MAP3K6: variants seen among roughly 807,000 people sequenced by gnomAD.
MAP3K6 encodes mitogen-activated protein kinase kinase kinase 6.
In MAP3K6, 105 loss-of-function variants were observed where a neutral mutation model predicts 147.1. The observed-to-expected ratio is 0.71, with a 90% CI of 0.61 to 0.84. The LOEUF (loss-of-function observed/expected upper bound fraction) is 0.84. Ranked by LOEUF, MAP3K6 falls within the 40% of genes least tolerant of loss-of-function variation. MAP3K6 has a pLI of 0.00. For missense variants in MAP3K6, 1,569 were observed against 1,715.0 expected, an observed-to-expected ratio of 0.91 and a Z score of 1.50; for synonymous variants, 695 against 732.4, an observed-to-expected ratio of 0.95 and a Z score of 0.82.
Position 27,360,637 on chromosome 1 carries a change from C to G in MAP3K6, c.2054+68G>C. 1.3e-6 allele frequency: 2 copies of G among 1,544,144 alleles called. No individual in the cohort carries two copies. Among genetic ancestry groups the G allele is most frequent in the Middle Eastern group, 1.9e-4 (1 of 5,260 alleles). ...CTAGGCCCCGCCCACAGGAGCCGCT[C>G]CGCTCGTGGCCCGGCTCACTCGGCC... On this transcript the variant is annotated intron_variant, in intron 15 of 28. Transcript: ENST00000357582. The surrounding 1 kb of genome is among the most constrained non-coding windows in gnomAD (Gnocchi z 4.5).
rs771630998 is a variant in MAP3K6, at chr1:27,357,585, G to A, written c.3082-9C>T. Reference sequence around the variant, plus strand: ...CTGCCCAGACGGGCCCCCTGAGAAGGAAGAGAGGGGTTGTCAGCGAGTGCT... The same window carrying A: ...CTGCCCAGACGGGCCCCCTGAGAAGAAAGAGAGGGGTTGTCAGCGAGTGCT... On this transcript the variant is annotated splice_polypyrimidine_tract_variant and intron_variant, in intron 22 of 28. Coordinates refer to ENST00000357582, the MANE Select transcript of MAP3K6 (RefSeq NM_004672.5). The A allele has an allele frequency of 1.2e-5, 20 of 1,602,662 alleles. No individual in the cohort carries two copies. In the South Asian group the frequency reaches 2.0e-4, roughly 16 times the overall value.
In MAP3K6 at chr1:27,357,499, C is replaced by T; in HGVS notation, c.3159G>A (p.Arg1053=). ...LGAHIHTPNR[R]QLAQELRALQ... is the part of the protein sequence containing the mutation. ...GCGCCCGCAGCTCCTGGGCGAGCTGCCGGCGGTTGGGAGTGTGGATGTGTG... is the reference window on the plus strand; with the variant it reads ...GCGCCCGCAGCTCCTGGGCGAGCTGTCGGCGGTTGGGAGTGTGGATGTGTG... The change falls in exon 23 of 29, where the codon CGG becomes CGA. Residue 1053 remains arginine, a synonymous_variant. Transcript: ENST00000357582. 1.9e-6 allele frequency: 3 copies of T among 1,613,624 alleles called. No homozygotes were observed. The highest frequency in any genetic ancestry group is 2.5e-6 in the Non-Finnish European group (3 of 1,179,914).
Position 27,364,562 on chromosome 1 carries a change from G to A in MAP3K6, c.504+99C>T. On this transcript the variant is annotated intron_variant, in intron 3 of 28. Transcript: ENST00000357582. This position sits in a 1 kb window ranked among gnomAD's most constrained non-coding sequence, Gnocchi z 4.4. Reference sequence around the variant, plus strand: ...CAGAGGAATACTTGGGATGTCAGTGGGGGGTTAGGTGACTGAGGAGGCCAG... The same window carrying A: ...CAGAGGAATACTTGGGATGTCAGTGAGGGGTTAGGTGACTGAGGAGGCCAG... 5.7e-6 allele frequency: 9 copies of A among 1,577,610 alleles called. No individual in the cohort carries two copies. The highest frequency in any genetic ancestry group is 7.8e-6 in the Non-Finnish European group (9 of 1,147,150).
intron 26 of MAP3K6, 64 bp downstream of exon 26, chr1:27,356,306 TCAGGTGATGAGCCCAAGG>T: frequency 2.2e-6 from 3 of 1,341,794 alleles, no homozygotes; most frequent in Non-Finnish European, 3.1e-6. Context: ...TGAGCCCAAG[TCAGGTGATGAGCCCAAGG>T]GTGCCTTGTG....
rs769477027 is a variant in MAP3K6 at position 27,362,677 on chromosome 1, G to T, written c.1219C>A (p.Gln407Lys). ...NAAVLLIAAG[Q>K]HFEDSKELRL... ...AGCTCTTTGGAATCCTCAAAGTGCTGCCCGGCAGCAATGAGGAGCACAGCT... is the reference window on the plus strand; with the variant it reads ...AGCTCTTTGGAATCCTCAAAGTGCTTCCCGGCAGCAATGAGGAGCACAGCT... Residue 407 changes from glutamine to lysine, a missense_variant, in exon 8 of 29, where the codon CAG becomes AAG. Physicochemically the swap from Gln to Lys is moderately conservative, Grantham distance 53. Coordinates refer to ENST00000357582, the MANE Select transcript of MAP3K6 (RefSeq NM_004672.5). The T allele has an allele frequency of 1.2e-6, 2 of 1,604,740 alleles. No individual in the cohort carries two copies. The highest frequency in any genetic ancestry group is 4.5e-5 in the East Asian group (2 of 44,666).
intron 23 of MAP3K6, 141 bp downstream of exon 23, chr1:27,357,259 G>T: frequency 2.3e-6 from 3 of 1,315,406 alleles, no homozygotes; most frequent in Admixed American, 4.3e-5. Flanking sequence ...AGCTAGGACT[G>T]GGCAGACGGT....
At chr1:27,365,730 C>T (rs934560181) in intron 1 of MAP3K6, among the ~76,000 whole-genome samples, 1 of 152,062 alleles carries the variant, frequency 6.6e-6, no homozygotes, top group Non-Finnish European at 1.5e-5. Context: ...CGTCGGGCCC[C>T]TTCGCTTCTC....
chr1:27,357,421 C>T lies in MAP3K6; in HGVS notation c.3237G>A (p.Pro1079=), dbSNP rs757281049. 25 of 1,594,548 alleles carry T rather than the reference C, an allele frequency of 1.6e-5. No homozygotes were observed. Among genetic ancestry groups the T allele is most frequent in the South Asian group, 2.2e-5 (2 of 89,972 alleles). The change falls in exon 23 of 29, where the codon CCG becomes CCA. Residue 1079 remains proline (P), a synonymous_variant. Transcript: ENST00000357582. ...QGLGPALLHR[P]LFAFPDAVKQ... ...TCACCGCATCCGGGAAGGCAAACAGCGGTCTGTGCAGAAGCGCAGGCCCAA... is the reference window on the plus strand; with the variant it reads ...TCACCGCATCCGGGAAGGCAAACAGTGGTCTGTGCAGAAGCGCAGGCCCAA...
intron 23 of MAP3K6, 130 bp downstream of exon 23, chr1:27,357,270 T>A: frequency 7.3e-7 from 1 of 1,378,882 alleles, no homozygotes; most frequent in South Asian, 1.3e-5. Context: ...GGCAGACGGT[T>A]TTTTGCTGCA....
Position 27,357,692 on chromosome 1 carries a change from G to A in MAP3K6, c.3081+19C>T. 6.2e-7 allele frequency: 1 copy of A among 1,607,870 alleles called. No individual in the cohort carries two copies. Among genetic ancestry groups the A allele is most frequent in the Non-Finnish European group, 8.5e-7 (1 of 1,179,020 alleles). ...TGACCCTTTGCGACCACCAGGGGGC[G>A]CTAGAGTGGGCCGCCCACCTGCTCT... On this transcript the variant is annotated intron_variant, in intron 22 of 28. Coordinates refer to ENST00000357582, the MANE Select transcript of MAP3K6 (RefSeq NM_004672.5).
chr1:27,362,041 C>T (rs2015794540), intron 9 of MAP3K6, 50 bp downstream of exon 9: 2 of 1,570,854 alleles, frequency 1.3e-6, no homozygotes, highest in Non-Finnish European at 8.6e-7. Flanking sequence ...GACATAGGTG[C>T]AGGAGCTGAC....
Position 27,361,559 on chromosome 1 carries a change from T to C in MAP3K6, c.1647A>G (p.Val549=). Residue 549 remains valine (V), a synonymous_variant, in exon 11 of 29, where the codon GTA becomes GTG. Transcript: ENST00000357582. ...AKLEVRGTDP[V]STVTLSLLEP... ...CCAGCAGGCTCAGGGTCACTGTGCT[T>C]ACTGGGTCAGTACCCCGAACCTCGA... 1.2e-6 allele frequency: 2 copies of C among 1,614,160 alleles called. No homozygotes were observed. Among genetic ancestry groups the C allele is most frequent in the Non-Finnish European group, 1.7e-6 (2 of 1,180,024 alleles).
In MAP3K6 at chr1:27,364,170, CT is replaced by C. The variant is rs769178526; in HGVS notation, c.695+33del. ...AGCCCACCATACCCTCACCAGCCCC[CT>C]CCTGGAGCACCCTCCCTGGGGGCCT... is the stretch of plus-strand genomic sequence containing the variant. On this transcript the variant is annotated intron_variant, in intron 4 of 28. Transcript: ENST00000357582. The surrounding 1 kb of genome is among the most constrained non-coding windows in gnomAD (Gnocchi z 4.4). The C allele has an allele frequency of 6.2e-7, 1 of 1,602,364 alleles. No individual in the cohort carries two copies. Among genetic ancestry groups the C allele is most frequent in the South Asian group, 1.1e-5 (1 of 90,256 alleles).
At position 27,362,872 on chromosome 1, in the gene MAP3K6, T is replaced by C; in HGVS notation, c.1121A>G (p.His374Arg). 6.2e-7 allele frequency: 1 copy of C among 1,614,096 alleles called. No individual in the cohort carries two copies. Among genetic ancestry groups the C allele is most frequent in the Non-Finnish European group, 8.5e-7 (1 of 1,180,002 alleles). Reference sequence around the variant, plus strand: ...TTACCAGTGATAGGCCTGCTCCCGGTGCCCAGCATCCTGGAAACCCGAGCT... The same window carrying C: ...TTACCAGTGATAGGCCTGCTCCCGGCGCCCAGCATCCTGGAAACCCGAGCT... ...FFSSGFQDAG[H>R]REQAYHWYRK... The change falls in exon 7 of 29, where the codon CAC becomes CGC. Residue 374 changes from histidine to arginine, a missense_variant. Physicochemically the swap from His to Arg is conservative, Grantham distance 29 (BLOSUM62 0). Transcript: ENST00000357582.
In MAP3K6 at chr1:27,358,388, C is replaced by T. The variant is rs1270267154; in HGVS notation, c.2776+31G>A. On this transcript the variant is annotated intron_variant, in intron 20 of 28. Transcript: ENST00000357582. This position sits in a 1 kb window ranked among gnomAD's most constrained non-coding sequence, Gnocchi z 6.2. ...CACAGCTCCACAACTCCTCTGCCCT[C>T]CACTGTGCCCATCCCGCCACCCGCA... 19 of 1,586,022 alleles carry T rather than the reference C, an allele frequency of 1.2e-5. No homozygotes were observed. Among genetic ancestry groups the T allele is most frequent in the Non-Finnish European group, 1.5e-5 (17 of 1,171,560 alleles).
chr1:27,362,167 C>A lies in MAP3K6; in HGVS notation c.1339G>T (p.Ala447Ser), dbSNP rs2015800090. The change falls in exon 9 of 29, where the codon GCC (alanine) becomes TCC (serine). Residue 447 changes from alanine (A) to serine (S), a missense_variant. By Grantham distance (99) the Ala-to-Ser change is moderately conservative. Transcript: ENST00000357582. ...YYWDVGFYLG[A>S]QILANDPTQV... ...GTGGGGTCATTGGCGAGGATCTGGGCTCCCAGGTAGAAACCCACATCCCAG... is the reference window on the plus strand; with the variant it reads ...GTGGGGTCATTGGCGAGGATCTGGGATCCCAGGTAGAAACCCACATCCCAG... 1.9e-6 allele frequency: 3 copies of A among 1,613,598 alleles called. No homozygotes were observed. Among genetic ancestry groups the A allele is most frequent in the Non-Finnish European group, 2.5e-6 (3 of 1,180,004 alleles).
At chr1:27,355,781 TAAG>T (rs763814952) in intron 27 of MAP3K6, 36 bp from the exon 28 acceptor site, 7 of 1,593,204 alleles carry the variant, frequency 4.4e-6, no homozygotes, top group East Asian at 4.5e-5. Flanking sequence ...AAGAGGGAAA[TAAG>T]AAATTACAGA....
At position 27,358,939 on chromosome 1, in the gene MAP3K6, T is replaced by C; in HGVS notation, c.2426-73A>G. ...GGTTGGAGCAGGGAGGGGAATGCCG[T>C]CATCCTCAGGCCGACTGCACCCATA... is the stretch of plus-strand genomic sequence containing the variant. On this transcript the variant is annotated intron_variant, in intron 18 of 28. Coordinates refer to ENST00000357582, the MANE Select transcript of MAP3K6 (RefSeq NM_004672.5). This position sits in a 1 kb window ranked among gnomAD's most constrained non-coding sequence, Gnocchi z 6.2. The C allele has an allele frequency of 6.8e-7, 1 of 1,463,248 alleles. No homozygotes were observed. Among genetic ancestry groups the C allele is most frequent in the Non-Finnish European group, 9.2e-7 (1 of 1,085,932 alleles). 90.6% of individuals were successfully genotyped at this position (1,463,248 alleles called of 1,614,324 possible).
chr1:27,362,040 G>A, intron 9 of MAP3K6, 51 bp downstream of exon 9: 3 of 1,571,034 alleles, frequency 1.9e-6, no homozygotes, highest in Non-Finnish European at 1.7e-6. Flanking sequence ...GGACATAGGT[G>A]CAGGAGCTGA....
Sources: allele counts gnomAD v4.1 joint callset (sites outside exome capture counted in the v4.1 genomes callset), GRCh38; gene constraint gnomAD v4.1.1; non-coding constraint Gnocchi (gnomAD v3.1); transcripts MANE v1.5; gene names NCBI Gene and HGNC (gene_info 2026-07-23, HGNC 2026-07-21).